SETBP1: variants seen among roughly 807,000 people sequenced by gnomAD.
SETBP1 encodes SET-binding protein.
Under a neutral mutation model 101.0 loss-of-function variants are expected in SETBP1, and 9 were observed. The observed-to-expected ratio is 0.09, with a 90% CI of 0.05 to 0.16. The LOEUF (loss-of-function observed/expected upper bound fraction) is 0.16, where lower values mean the gene tolerates loss of function less well. Ranked by LOEUF, SETBP1 falls within the 10% of genes least tolerant of loss-of-function variation. The probability of loss-of-function intolerance (pLI) is 1.00; values close to 1 mark genes in which losing one functional copy is unlikely to be tolerated. For synonymous variants in SETBP1, 818 were observed against 788.5 expected, an observed-to-expected ratio of 1.04 and a Z score of -0.63; for missense variants, 1,858 against 2,033.8, an observed-to-expected ratio of 0.91 and a Z score of 1.66.
At chr18:44,969,454 A>G (rs1315929841) in intron 4 of SETBP1, among the ~76,000 whole-genome samples, 1 of 152,216 alleles carries the variant, frequency 6.6e-6, no homozygotes, top group Admixed American at 6.5e-5. Flanking sequence ...ATGTTCTTTT[A>G]AGCTTTTCCC....
intron 2 of SETBP1, among the ~76,000 whole-genome samples, chr18:44,788,790 A>ATTTTTT (rs34929410): frequency 3.7e-5 from 3 of 80,406 alleles, no homozygotes; most frequent in Non-Finnish European, 2.2e-5. Flanking sequence ...TTCCTTTTTA[A>ATTTTTT]TTTTTTTTTT....
chr18:44,751,631 C>A (rs2070381477), intron 2 of SETBP1, among the ~76,000 whole-genome samples: 1 of 152,060 alleles, frequency 6.6e-6, no homozygotes, highest in Admixed American at 6.6e-5. Flanking sequence ...TGTTATAATG[C>A]CAGAAACTTG....
At chr18:44,975,969 T>G (rs1306905261) in intron 4 of SETBP1, among the ~76,000 whole-genome samples, 1 of 152,124 alleles carries the variant, frequency 6.6e-6, no homozygotes, top group Non-Finnish European at 1.5e-5. Flanking sequence ...CTCTTTCTAC[T>G]TTCTGTCTAC....
intron 1 of SETBP1, among the ~76,000 whole-genome samples, chr18:44,684,901 C>G (rs1406033000): frequency 2.6e-5 from 4 of 152,200 alleles, no homozygotes; most frequent in Non-Finnish European, 4.4e-5. Flanking sequence ...CCTGTCTCAG[C>G]CTCCCAAAGT....
chr18:45,067,226 T>C lies in SETBP1; in HGVS notation c.*3528T>C, dbSNP rs1364403598. ...CGCATTGCTGGGTCTATAAATATGA[T>C]AAGCAAGTGGTGACAGAATTATAGT... On this transcript the variant is annotated 3_prime_UTR_variant, in exon 6 of 6. Transcript: ENST00000649279. The C allele has an allele frequency of 6.6e-6, 1 of 152,206 alleles. No homozygotes were observed. Among genetic ancestry groups the C allele is most frequent in the Non-Finnish European group, 1.5e-5 (1 of 68,036 alleles). 9.4% of individuals were successfully genotyped at this position (152,206 alleles called of 1,614,324 possible). A position where few individuals can be genotyped will look rare whatever the true frequency, so the allele number is the denominator to read the frequency against.
At chr18:44,903,080 C>T (rs1327152133) in intron 3 of SETBP1, among the ~76,000 whole-genome samples, 2 of 152,140 alleles carry the variant, frequency 1.3e-5, no homozygotes, top group African/African-American at 2.4e-5. Flanking sequence ...TCCACTGCTA[C>T]GTACTTCAGT....
Position 45,063,546 on chromosome 18 carries a change from A to AC in SETBP1, c.4645dup (p.Arg1549ProfsTer43), listed in dbSNP as rs1312164814. ...GCCCCCGCCACCCCCTCTACCCAAG[A>AC]CCCCCCGAGGCGGAAAGAGGAAACA... On this transcript the variant is annotated frameshift_variant, in exon 6 of 6. Coordinates refer to ENST00000649279, the MANE Select transcript of SETBP1 (RefSeq NM_015559.3). LOFTEE classifies it high-confidence loss of function. 1 of 1,336,276 alleles carries AC rather than the reference A, an allele frequency of 7.5e-7. No individual in the cohort carries two copies. Among genetic ancestry groups the AC allele is most frequent in the Non-Finnish European group, 1.0e-6 (1 of 1,000,072 alleles). The allele number at this position is 1,336,276 out of a possible 1,614,324, so 82.8% of individuals were successfully genotyped here.
intron 2 of SETBP1, among the ~76,000 whole-genome samples, chr18:44,786,172 C>T (rs1222248648): frequency 6.6e-6 from 1 of 152,182 alleles, no homozygotes; most frequent in Non-Finnish European, 1.5e-5. Flanking sequence ...CAGAGAATCT[C>T]CTTTTTCCCT....
chr18:44,729,474 G>A (rs920194783), intron 2 of SETBP1, among the ~76,000 whole-genome samples: 1 of 152,260 alleles, frequency 6.6e-6, no homozygotes, highest in Non-Finnish European at 1.5e-5. Context: ...ATGGGATTTA[G>A]TTGTTGAATG....
chr18:45,047,826 G>C (rs1335128637), intron 5 of SETBP1, among the ~76,000 whole-genome samples: 3 of 152,136 alleles, frequency 2.0e-5, no homozygotes, highest in Non-Finnish European at 4.4e-5. Context: ...ATAGAGTAAA[G>C]ATTGTGAGAC....
intron 3 of SETBP1, among the ~76,000 whole-genome samples, chr18:44,893,376 G>T (rs1017532068): frequency 5.3e-5 from 8 of 152,176 alleles, no homozygotes; most frequent in Non-Finnish European, 8.8e-5. Context: ...TTTGAAAGAT[G>T]TGCAAATGGA....
intron 2 of SETBP1, among the ~76,000 whole-genome samples, chr18:44,716,754 T>A (rs1477982813): frequency 6.6e-6 from 1 of 151,964 alleles, no homozygotes; most frequent in Non-Finnish European, 1.5e-5. Context: ...GTAGAGAAGG[T>A]GTTTCCCCAT....
intron 2 of SETBP1, among the ~76,000 whole-genome samples, chr18:44,710,173 A>G (rs1050683926): frequency 6.6e-6 from 1 of 152,140 alleles, no homozygotes; most frequent in Non-Finnish European, 1.5e-5. Context: ...GCCTTTTCCT[A>G]CCACATCTTT....
At chr18:44,990,436 T>G (rs1418363870) in intron 4 of SETBP1, among the ~76,000 whole-genome samples, 2 of 151,722 alleles carry the variant, frequency 1.3e-5, no homozygotes, top group East Asian at 1.9e-4. Flanking sequence ...TTTACAAAAA[T>G]AAAAGATTAG....
chr18:44,881,909 T>C lies in SETBP1; in HGVS notation c.540+12626T>C, dbSNP rs60177511. ...CAGTTAATCAATATATATTTCTGAT[T>C]ATGAATGAGCAAGGCTTCTTGGCAT... On this transcript the variant is annotated intron_variant, in intron 3 of 5. Coordinates refer to ENST00000649279, the MANE Select transcript of SETBP1 (RefSeq NM_015559.3). Among the ~76,000 whole-genome samples the C allele has an allele frequency of 6.1e-3, 923 of 152,312 alleles. 10 individuals carry two copies. Among genetic ancestry groups the C allele is most frequent in the African/African-American group, 0.021 (862 of 41,560 alleles).
intron 2 of SETBP1, among the ~76,000 whole-genome samples, chr18:44,728,941 G>A (rs2144383786): frequency 6.6e-6 from 1 of 152,348 alleles, no homozygotes; most frequent in Non-Finnish European, 1.5e-5. Context: ...ACTAACTAGT[G>A]CTTATTGAAT....
chr18:45,002,653 T>C (rs553510822), intron 4 of SETBP1, among the ~76,000 whole-genome samples: 2 of 152,314 alleles, frequency 1.3e-5, no homozygotes, highest in Admixed American at 6.5e-5. Flanking sequence ...CTTTGGTGGG[T>C]GCCTTCGCCC....
In SETBP1 at chr18:44,768,044, C is replaced by A. The variant is rs540139225; in HGVS notation, c.486+66212C>A. On this transcript the variant is annotated intron_variant, in intron 2 of 5. Transcript: ENST00000649279. ...CTTTTCTTTCCCGTAATAGACTGAGCTCCTTGGAATCAAGATTCATGCGTC... is the reference window on the plus strand; with the variant it reads ...CTTTTCTTTCCCGTAATAGACTGAGATCCTTGGAATCAAGATTCATGCGTC... 2.6e-5 allele frequency among the ~76,000 whole-genome samples: 4 copies of A among 152,322 alleles called. No individual in the cohort carries two copies. In the South Asian group the frequency reaches 8.3e-4, roughly 32 times the overall value.
At chr18:44,999,283 G>C (rs2072565229) in intron 4 of SETBP1, among the ~76,000 whole-genome samples, 1 of 152,064 alleles carries the variant, frequency 6.6e-6, no homozygotes, top group African/African-American at 2.4e-5. Flanking sequence ...TATAGTGGCT[G>C]ACCCAGGATG....
Sources: gnomAD v4.1 joint callset for allele counts (sites outside exome capture counted in the v4.1 genomes callset) on GRCh38, gnomAD v4.1.1 for gene constraint, MANE v1.5 for transcripts, NCBI Gene and HGNC (gene_info 2026-07-23, HGNC 2026-07-21) for gene names.